The following VAC14 variants were observed in gnomAD, a reference collection of about 807,000 sequenced individuals.
VAC14 encodes protein VAC14 homolog.
In VAC14, 47 loss-of-function variants were observed where a neutral mutation model predicts 85.3. The ratio of observed to expected loss-of-function variants is 0.55; its 90% CI spans 0.44 to 0.70. The LOEUF (loss-of-function observed/expected upper bound fraction) is 0.70. VAC14 is among the 30% of genes least tolerant of loss of function. The pLI is 0.00. For synonymous variants in VAC14, 447 were observed against 430.5 expected (o/e 1.04, Z -0.47); for missense variants, 861 against 1,004.3 (o/e 0.86, Z 1.93).
At chr16:70,733,192 T>C (rs1334124030) in intron 13 of VAC14, among the ~76,000 whole-genome samples, 2 of 152,238 alleles carry the variant, frequency 1.3e-5, no homozygotes, top group Admixed American at 6.5e-5. Context: ...TCCGTCTCTA[T>C]GGATTTGCCT....
chr16:70,785,206 C>T (rs1057457294), intron 3 of VAC14, among the ~76,000 whole-genome samples: 67 of 152,314 alleles, frequency 4.4e-4, no homozygotes, highest in African/African-American at 1.4e-3. Context: ...AGGGTAGCTG[C>T]GAGGCTGATA....
chr16:70,751,893 C>T (rs545047254), intron 12 of VAC14, among the ~76,000 whole-genome samples: 2 of 152,336 alleles, frequency 1.3e-5, no homozygotes, highest in South Asian at 4.1e-4. Flanking sequence ...TCCTGAGAAA[C>T]GCCCTGGTCT....
intron 13 of VAC14, among the ~76,000 whole-genome samples, chr16:70,737,619 C>T (rs9939763): frequency 0.1 from 15,315 of 152,182 alleles, 924 homozygotes; most frequent in Middle Eastern, 0.17. Context: ...GGCACAGAGA[C>T]GCACTCCACA....
At chr16:70,728,585 G>A (rs2054497534) in intron 14 of VAC14, among the ~76,000 whole-genome samples, 2 of 152,194 alleles carry the variant, frequency 1.3e-5, no homozygotes, top group Non-Finnish European at 2.9e-5. Context: ...AGAGCCTCAG[G>A]CCCTGAGCGG....
At chr16:70,724,100 T>C (rs1462824143) in intron 14 of VAC14, among the ~76,000 whole-genome samples, 1 of 152,164 alleles carries the variant, frequency 6.6e-6, no homozygotes, top group Non-Finnish European at 1.5e-5. Context: ...TTTGAGGCTC[T>C]TGGGCCCCCT....
At chr16:70,767,182 G>A (rs561459038) in intron 10 of VAC14, among the ~76,000 whole-genome samples, 79 of 152,186 alleles carry the variant, frequency 5.2e-4, no homozygotes, top group Admixed American at 9.2e-4. Flanking sequence ...AATGCATGGC[G>A]CTGCTGTGAC....
At chr16:70,753,338 T>G (rs1597940335) in intron 12 of VAC14, among the ~76,000 whole-genome samples, 1 of 152,152 alleles carries the variant, frequency 6.6e-6, no homozygotes, top group South Asian at 2.1e-4. Context: ...TCACCCAAGC[T>G]CCTGCCAGTC....
intron 13 of VAC14, among the ~76,000 whole-genome samples, chr16:70,740,601 C>A (rs966505384): frequency 2.0e-5 from 3 of 152,204 alleles, no homozygotes; most frequent in Non-Finnish European, 2.9e-5. Flanking sequence ...AGCAGGACCT[C>A]CGCAGACTCC....
intron 9 of VAC14, chr16:70,773,042 T>C (rs1293538180): frequency 6.6e-6 from 1 of 152,174 alleles, no homozygotes; most frequent in Non-Finnish European, 1.5e-5. Context: ...AGACGGAAAA[T>C]GGACTGGAGG....
chr16:70,777,542 G>A (rs1268322823), intron 9 of VAC14, among the ~76,000 whole-genome samples: 2 of 152,148 alleles, frequency 1.3e-5, no homozygotes, highest in Admixed American at 6.5e-5. Flanking sequence ...GGCTGGACAC[G>A]CAAAGTGCCA....
intron 14 of VAC14, among the ~76,000 whole-genome samples, chr16:70,709,766 G>A (rs2053991404): frequency 1.3e-5 from 2 of 152,302 alleles, no homozygotes; most frequent in South Asian, 4.1e-4. Flanking sequence ...TCCAGGCTGG[G>A]GAGATTTTAA....
intron 12 of VAC14, among the ~76,000 whole-genome samples, chr16:70,746,819 G>C (rs986725109): frequency 2.6e-5 from 4 of 152,160 alleles, no homozygotes; most frequent in African/African-American, 9.7e-5. Flanking sequence ...ATGCTTGCTG[G>C]ACTGTCCAAG....
At chr16:70,733,524 A>G (rs914347984) in intron 13 of VAC14, among the ~76,000 whole-genome samples, 7 of 151,802 alleles carry the variant, frequency 4.6e-5, no homozygotes, top group African/African-American at 1.7e-4. Flanking sequence ...GTGGGAGGTT[A>G]CTGGATGATG....
In VAC14 at chr16:70,753,011, GGTGTGT is replaced by G. The variant is rs372860764; in HGVS notation, c.1372-8438_1372-8433del. On this transcript the variant is annotated intron_variant, in intron 12 of 18. Transcript: ENST00000261776. The stretch of plus-strand genomic sequence containing the variant: ...CCAGCCTTGATGTGCAGGAGGAGGG[GGTGTGT>G]GTGTGTGTGTGTGTGTGTGTGTGTG... 7.9e-4 allele frequency among the ~76,000 whole-genome samples: 113 copies of G among 143,064 alleles called. 1 individual carries two copies. In the South Asian group the frequency reaches 0.011, roughly 14 times the overall value. The allele number at this position is 143,064 out of a possible 152,430, so 93.9% of individuals were successfully genotyped here.
chr16:70,710,421 T>C (rs2054007473), intron 14 of VAC14, among the ~76,000 whole-genome samples: 1 of 152,134 alleles, frequency 6.6e-6, no homozygotes, highest in Admixed American at 6.5e-5. Flanking sequence ...TCTCTGCCAT[T>C]TTCCCCTGCA....
chr16:70,739,009 T>A (rs977745981), intron 13 of VAC14, among the ~76,000 whole-genome samples: 22 of 152,238 alleles, frequency 1.4e-4, no homozygotes, highest in Admixed American at 1.3e-3. Flanking sequence ...GAAGCTGGGA[T>A]CTCCAGGGAA....
chr16:70,741,305 T>A (rs935922228), intron 13 of VAC14, among the ~76,000 whole-genome samples: 2 of 152,250 alleles, frequency 1.3e-5, no homozygotes, highest in African/African-American at 4.8e-5. Flanking sequence ...GAGGGATGAA[T>A]GTGCACTTCC....
chr16:70,743,257 T>C (rs568194120), intron 13 of VAC14, among the ~76,000 whole-genome samples: 3 of 152,284 alleles, frequency 2.0e-5, no homozygotes, highest in African/African-American at 4.8e-5. Context: ...AGCTAAAGGA[T>C]TGTAAACGTA....
At chr16:70,778,254 G>A (rs1177550639) in intron 9 of VAC14, among the ~76,000 whole-genome samples, 7 of 152,166 alleles carry the variant, frequency 4.6e-5, no homozygotes, top group Non-Finnish European at 2.9e-5. Flanking sequence ...CGTGGCAGGC[G>A]AGAATTCTAC....
Sources: allele counts gnomAD v4.1 joint callset (sites outside exome capture counted in the v4.1 genomes callset), GRCh38; gene constraint gnomAD v4.1.1; transcripts MANE v1.5; gene names NCBI Gene and HGNC (gene_info 2026-07-23, HGNC 2026-07-21).